ELFN2: variants seen among roughly 807,000 people sequenced by gnomAD.
The protein encoded by ELFN2 is extracellular leucine rich repeat and fibronectin type III domain containing 2.
In ELFN2, 17 loss-of-function variants were observed where a neutral mutation model predicts 45.5. The ratio of observed to expected loss-of-function variants is 0.37; its 90% CI spans 0.26 to 0.56. The LOEUF (loss-of-function observed/expected upper bound fraction) is 0.56. Ranked by LOEUF, ELFN2 falls within the 20% of genes least tolerant of loss-of-function variation. ELFN2 has a pLI of 0.77. For synonymous variants in ELFN2, 550 were observed against 551.5 expected, an observed-to-expected ratio of 1.00 and a Z score of 0.04; for missense variants, 922 against 1,183.2, an observed-to-expected ratio of 0.78 and a Z score of 3.24.
intron 2 of ELFN2, among the ~76,000 whole-genome samples, chr22:37,384,321 G>C (rs891329618): frequency 1.3e-5 from 2 of 151,306 alleles, no homozygotes; most frequent in African/African-American, 2.4e-5. Flanking sequence ...AGGCACCTGG[G>C]GATAGGATTG....
intron 2 of ELFN2, among the ~76,000 whole-genome samples, chr22:37,382,410 A>G (rs1931810085): frequency 6.6e-6 from 1 of 151,968 alleles, no homozygotes; most frequent in African/African-American, 2.4e-5. Flanking sequence ...ACGCCCAGCT[A>G]ATTTTTGTAT....
intron 2 of ELFN2, among the ~76,000 whole-genome samples, chr22:37,411,319 T>A (rs1445139587): frequency 1.3e-5 from 2 of 152,082 alleles, no homozygotes; most frequent in African/African-American, 4.8e-5. Flanking sequence ...GAAGCGCTGC[T>A]TAGATCAAGG....
At chr22:37,419,166 TC>T (rs1191460099) in intron 1 of ELFN2, among the ~76,000 whole-genome samples, 1 of 147,768 alleles carries the variant, frequency 6.8e-6, no homozygotes, top group Admixed American at 6.7e-5. Flanking sequence ...CCTTCCCCTC[TC>T]CCCGCCACAC....
At chr22:37,394,061 G>A (rs1333217847) in intron 2 of ELFN2, among the ~76,000 whole-genome samples, 4 of 152,196 alleles carry the variant, frequency 2.6e-5, no homozygotes, top group Admixed American at 6.5e-5. Flanking sequence ...CTGCCACCTC[G>A]TACAGATGCA....
intron 1 of ELFN2, among the ~76,000 whole-genome samples, chr22:37,349,990 A>G (rs1177687012): frequency 6.6e-6 from 1 of 150,806 alleles, no homozygotes; most frequent in East Asian, 1.9e-4. Context: ...CAAGGCAGTG[A>G]GGAGTGGTGC....
At chr22:37,348,189 G>A (rs1012745456) in intron 1 of ELFN2, among the ~76,000 whole-genome samples, 2 of 152,232 alleles carry the variant, frequency 1.3e-5, no homozygotes, top group East Asian at 1.9e-4. Context: ...AGACACGTGC[G>A]CTCATGTATG....
intron 1 of ELFN2, among the ~76,000 whole-genome samples, chr22:37,358,055 G>A (rs1421413767): frequency 2.0e-5 from 3 of 152,110 alleles, no homozygotes; most frequent in Non-Finnish European, 1.5e-5. Context: ...CTCAGCAGGT[G>A]GACCTGGCGG....
chr22:37,414,419 G>A (rs189035332), intron 2 of ELFN2, among the ~76,000 whole-genome samples: 1 of 152,188 alleles, frequency 6.6e-6, no homozygotes, highest in African/African-American at 2.4e-5. Flanking sequence ...TCAAAGGCCA[G>A]TGAATCAAAT....
At chr22:37,365,351 C>T (rs1054708882), downstream of ELFN2, among the ~76,000 whole-genome samples, 1 of 152,128 alleles carries the variant, frequency 6.6e-6, no homozygotes, top group African/African-American at 2.4e-5. Context: ...GGCCCAGTAG[C>T]TACAAGGGTC....
At chr22:37,349,823 T>C (rs1211121058) in intron 1 of ELFN2, among the ~76,000 whole-genome samples, 1 of 151,096 alleles carries the variant, frequency 6.6e-6, no homozygotes, top group African/African-American at 2.4e-5. Flanking sequence ...GAAATAAAAA[T>C]TTGAAACTTG....
intron 2 of ELFN2, among the ~76,000 whole-genome samples, chr22:37,400,558 A>T (rs1004576077): frequency 6.6e-6 from 1 of 152,162 alleles, no homozygotes; most frequent in Admixed American, 6.5e-5. Context: ...CACCCATTAG[A>T]CAGATGGGAG....
At chr22:37,397,234 G>T (rs1291206073) in intron 2 of ELFN2, among the ~76,000 whole-genome samples, 1 of 152,180 alleles carries the variant, frequency 6.6e-6, no homozygotes, top group Non-Finnish European at 1.5e-5. Context: ...AGAGGGCCAG[G>T]AAGCACGGCG....
intron 2 of ELFN2, among the ~76,000 whole-genome samples, chr22:37,341,411 C>T (rs1399317350): frequency 6.6e-6 from 1 of 152,206 alleles, no homozygotes; most frequent in African/African-American, 2.4e-5. Flanking sequence ...CCTGCCTTTC[C>T]TCTCCAGCTC....
intron 1 of ELFN2, among the ~76,000 whole-genome samples, chr22:37,418,599 C>T (rs1285701207): frequency 2.6e-5 from 4 of 150,998 alleles, no homozygotes; most frequent in Non-Finnish European, 4.4e-5. Flanking sequence ...ACCCCCAGTG[C>T]CCCCACACAG....
At chr22:37,424,305 GA>G (rs1320236790) in intron 1 of ELFN2, among the ~76,000 whole-genome samples, 1 of 152,204 alleles carries the variant, frequency 6.6e-6, no homozygotes, top group African/African-American at 2.4e-5. Context: ...CCAGGATGCA[GA>G]TGCGGCAGGG....
chr22:37,422,216 A>C (rs1016997558), intron 1 of ELFN2, among the ~76,000 whole-genome samples: 4 of 152,068 alleles, frequency 2.6e-5, no homozygotes, highest in African/African-American at 9.7e-5. Context: ...ATGCATGCAC[A>C]GTGCAGACCC....
At chr22:37,383,395 C>T (rs1931843479) in intron 2 of ELFN2, among the ~76,000 whole-genome samples, 1 of 152,218 alleles carries the variant, frequency 6.6e-6, no homozygotes, top group South Asian at 2.1e-4. Flanking sequence ...TAGGTCTCTT[C>T]TGAGGTGCTG....
At position 37,373,669 on chromosome 22, in the gene ELFN2, C is replaced by T. The variant is rs1238188762; in HGVS notation, c.1866G>A (p.Ala622=). 7 of 1,572,304 alleles carry T rather than the reference C, an allele frequency of 4.5e-6. No homozygotes were observed. Among genetic ancestry groups the T allele is most frequent in the South Asian group, 3.6e-5 (3 of 84,448 alleles). The change falls in exon 3 of 3, where the codon GCG becomes GCA. Residue 622 remains alanine, a synonymous_variant. Transcript: ENST00000402918. ...HPLQRQLSAD[A]AVTRKTCSVS... is the part of the protein sequence containing the mutation. ...CGCTGCAGGTCTTGCGGGTCACGGC[C>T]GCGTCGGCGCTCAGCTGGCGCTGTA...
In ELFN2 at chr22:37,374,096, T is replaced by C. The variant is rs1268558217; in HGVS notation, c.1439A>G (p.Lys480Arg). 1 of 1,613,112 alleles carries C rather than the reference T, an allele frequency of 6.2e-7. No homozygotes were observed. Among genetic ancestry groups the C allele is most frequent in the Non-Finnish European group, 8.5e-7 (1 of 1,180,010 alleles). The stretch of plus-strand genomic sequence containing the variant: ...CTCCAACCCCTTGGCGGTGGGCAGC[T>C]TCTCCCCGATCATGGAGGGGATGGA... Reference protein sequence around the residue: ...MASIPSMIGEKLPTAKGLEAG... With the variant: ...MASIPSMIGERLPTAKGLEAG... The change falls in exon 3 of 3, where the codon AAG becomes AGG. Residue 480 changes from lysine (K) to arginine (R), a missense_variant. Physicochemically the swap from Lys to Arg is conservative, Grantham distance 26. Around this residue, in one of 2 missense-constraint regions of ELFN2, gnomAD observed 564 missense variants for 642.8 expected, o/e 0.88. Transcript: ENST00000402918.
Sources: allele counts gnomAD v4.1 joint callset (sites outside exome capture counted in the v4.1 genomes callset), GRCh38; gene constraint gnomAD v4.1.1; regional missense constraint gnomAD v4.1.1; transcripts MANE v1.5; gene names NCBI Gene and HGNC (gene_info 2026-07-23, HGNC 2026-07-21).